The following TRPM8 variants were observed in gnomAD, a reference collection of about 807,000 sequenced individuals.
The protein encoded by TRPM8 is TRPM8 cationic channel.
A neutral mutation model predicts 133.7 loss-of-function variants in TRPM8; 110 were observed. That is an observed-to-expected ratio of 0.82 (90% CI 0.70 to 0.96). The LOEUF (loss-of-function observed/expected upper bound fraction) is 0.96. Ranked by LOEUF, TRPM8 falls within the 40% of genes least tolerant of loss-of-function variation. The pLI, the probability that TRPM8 is intolerant of heterozygous loss-of-function variation, is 0.00. For synonymous variants in TRPM8, 535 were observed against 532.3 expected, an observed-to-expected ratio of 1.01 and a Z score of -0.07; for missense variants, 1,291 against 1,379.5, an observed-to-expected ratio of 0.94 and a Z score of 1.02.
chr2:233,983,059 G>T lies in TRPM8; in HGVS notation c.2596G>T (p.Asp866Tyr), dbSNP rs748056798. The part of the protein sequence containing the change: ...KIIMLQRMLI[D>Y]VFFFLFLFAV... ...TCCTGTCCTCCCCTGACAGCTGATC[G>T]ATGTGTTCTTCTTCCTGTTCCTCTT... is the stretch of plus-strand genomic sequence containing the variant. The change falls in exon 20 of 26, where the codon GAT becomes TAT. Residue 866 changes from aspartate to tyrosine, a missense_variant. Physicochemically the swap from Asp to Tyr is radical, Grantham distance 160. Transcript: ENST00000324695. 10 of 1,612,530 alleles carry T rather than the reference G, an allele frequency of 6.2e-6. No individual in the cohort carries two copies. The highest frequency in any genetic ancestry group is 8.5e-6 in the Non-Finnish European group (10 of 1,178,630).
intron 12 of TRPM8, 37 bp from the exon 13 acceptor site, chr2:233,963,245 C>T (rs1328852093): frequency 1.4e-6 from 2 of 1,459,394 alleles, no homozygotes; most frequent in Admixed American, 1.7e-5. Context: ...GAACAGTTTC[C>T]ATTTGCACAT....
At chr2:233,970,891 A>C (rs1057036783) in intron 17 of TRPM8, among the ~76,000 whole-genome samples, 5 of 152,088 alleles carry the variant, frequency 3.3e-5, no homozygotes, top group Non-Finnish European at 7.4e-5. Context: ...GCTGGTGTGA[A>C]TTATTCATGG....
At chr2:233,955,290 CTGGACAG>C (rs767573207) in intron 11 of TRPM8, 40 bp downstream of exon 11, 1 of 1,494,494 alleles carries the variant, frequency 6.7e-7, no homozygotes, top group Non-Finnish European at 9.3e-7. Context: ...AGTGTTGGGT[CTGGACAG>C]TGGTCTGGGC....
At chr2:233,952,600 G>A (rs1381131182) in intron 9 of TRPM8, among the ~76,000 whole-genome samples, 1 of 151,910 alleles carries the variant, frequency 6.6e-6, no homozygotes, top group Non-Finnish European at 1.5e-5. Flanking sequence ...CAGCCCAGGA[G>A]GCTCCCTGAG....
chr2:234,002,230 A>T (rs1374051901), intron 22 of TRPM8, among the ~76,000 whole-genome samples: 6 of 151,978 alleles, frequency 3.9e-5, no homozygotes, highest in South Asian at 2.1e-4. Context: ...GAGTGGGCAG[A>T]GGGAGGAGGG....
intron 17 of TRPM8, among the ~76,000 whole-genome samples, chr2:233,977,872 T>C (rs1691908486): frequency 6.6e-6 from 1 of 152,228 alleles, no homozygotes; most frequent in Admixed American, 6.5e-5. Flanking sequence ...TTCCCCTCGA[T>C]TTTTGTCCAT....
At chr2:233,940,955 C>G (rs1690891242) in intron 5 of TRPM8, among the ~76,000 whole-genome samples, 1 of 152,092 alleles carries the variant, frequency 6.6e-6, no homozygotes, top group Admixed American at 6.5e-5. Flanking sequence ...GTTCATGGCT[C>G]GTCATAGGAC....
intron 25 of TRPM8, among the ~76,000 whole-genome samples, chr2:234,015,321 G>GA (rs796497712): frequency 6.7e-6 from 1 of 149,584 alleles, no homozygotes; most frequent in Non-Finnish European, 1.5e-5. Flanking sequence ...GTCGAGTTAG[G>GA]AAAAAAACAG....
At chr2:233,978,951 A>T (rs1691939277) in intron 17 of TRPM8, among the ~76,000 whole-genome samples, 2 of 152,232 alleles carry the variant, frequency 1.3e-5, no homozygotes, top group African/African-American at 2.4e-5. Context: ...TCCCTTCCAC[A>T]TCTGAGACTG....
chr2:233,949,096 G>A (rs1237764000), intron 8 of TRPM8, among the ~76,000 whole-genome samples: 1 of 152,122 alleles, frequency 6.6e-6, no homozygotes, highest in Non-Finnish European at 1.5e-5. Context: ...TCCCTTCCTG[G>A]TTTAACTCCC....
chr2:233,940,109 G>A (rs892122530), intron 5 of TRPM8, among the ~76,000 whole-genome samples: 2 of 132,070 alleles, frequency 1.5e-5, no homozygotes, highest in African/African-American at 2.9e-5. Flanking sequence ...CTTTCATTAC[G>A]TTTTTTGAAA....
chr2:233,981,729 G>A, intron 18 of TRPM8, 45 bp from the exon 19 acceptor site: 1 of 1,552,874 alleles, frequency 6.4e-7, no homozygotes. Context: ...ACTTTGGAAT[G>A]TTTTGTCAAT....
intron 15 of TRPM8, chr2:233,968,273 G>A (rs1319870408): frequency 6.6e-6 from 1 of 152,314 alleles, no homozygotes; most frequent in African/African-American, 2.4e-5. Flanking sequence ...TCAATACAAG[G>A]AGTTTATTCT....
chr2:233,918,802 G>A (rs1463760991), intron 1 of TRPM8, among the ~76,000 whole-genome samples: 1 of 152,150 alleles, frequency 6.6e-6, no homozygotes, highest in Admixed American at 6.5e-5. Context: ...ACCCTTGTAT[G>A]CACCCCTGCC....
rs1559516431 is a variant in TRPM8, at chr2:233,927,847, CCTTCCTT to C, written c.117+1194_117+1200del. On this transcript the variant is annotated intron_variant, in intron 2 of 25. Coordinates refer to ENST00000324695, the MANE Select transcript of TRPM8 (RefSeq NM_024080.5). ...TCCTTCCTTCCTTCCTTCCTTCCTT[CCTTCCTT>C]TCTTTCTCTTTCTTTCTTTCTTTCT... is the stretch of plus-strand genomic sequence containing the variant. Among the ~76,000 whole-genome samples, 324 of 47,844 alleles carry C rather than the reference CCTTCCTT, an allele frequency of 6.8e-3. 27 individuals carry two copies. The highest frequency in any genetic ancestry group is 9.5e-3 in the Non-Finnish European group (256 of 27,082). 31.4% of individuals were successfully genotyped at this position (47,844 alleles called of 152,430 possible).
intron 3 of TRPM8, among the ~76,000 whole-genome samples, chr2:233,931,815 A>G (rs1344894323): frequency 2.0e-5 from 3 of 152,196 alleles, no homozygotes; most frequent in Admixed American, 1.3e-4. Flanking sequence ...GCTTTGTAAG[A>G]CCACTATTTA....
intron 3 of TRPM8, among the ~76,000 whole-genome samples, chr2:233,931,183 G>C (rs1333286621): frequency 2.0e-5 from 3 of 152,178 alleles, no homozygotes; most frequent in Non-Finnish European, 4.4e-5. Context: ...TAAGTCTCAT[G>C]TGTTTTGGAA....
chr2:233,946,011 C>A lies in TRPM8; in HGVS notation c.855C>A (p.Ile285=), dbSNP rs1219124548. Residue 285 remains isoleucine (I), a synonymous_variant, in exon 7 of 26, where the codon ATC becomes ATA. Transcript: ENST00000324695. ...TCCGGAATCAGCTAGAGAAGTATAT[C>A]TCTGAGCGCACTATTCAAGGTCAGT... ...AKLRNQLEKY[I]SERTIQDSNY... The A allele has an allele frequency of 1.9e-6, 3 of 1,613,966 alleles. No homozygotes were observed. The highest frequency in any genetic ancestry group is 1.3e-5 in the African/African-American group (1 of 74,900).
Position 233,971,146 on chromosome 2 carries a change from C to G in TRPM8, c.2355+720C>G, listed in dbSNP as rs548497180. Among the ~76,000 whole-genome samples, 9 of 152,282 alleles carry G rather than the reference C, an allele frequency of 5.9e-5. No homozygotes were observed. The East Asian group carries it at 1.5e-3, about 26-fold the overall frequency. On this transcript the variant is annotated intron_variant, in intron 17 of 25. Transcript: ENST00000324695. ...ACTGTTGTTGTCGTCACTGTTGTCC[C>G]CTCTGAACCTAAATGCAAAAATACA... is the stretch of plus-strand genomic sequence containing the variant.
Sources: allele counts gnomAD v4.1 joint callset (sites outside exome capture counted in the v4.1 genomes callset), GRCh38; gene constraint gnomAD v4.1.1; transcripts MANE v1.5; gene names NCBI Gene and HGNC (gene_info 2026-07-23, HGNC 2026-07-21).